SLC8A1: variants seen among roughly 807,000 people sequenced by gnomAD.
SLC8A1 encodes sodium/calcium exchanger 1.
A neutral mutation model predicts 68.3 loss-of-function variants in SLC8A1; 18 were observed. That is an observed-to-expected ratio of 0.26 (90% CI 0.18 to 0.39). The LOEUF (loss-of-function observed/expected upper bound fraction) is 0.39, where lower values mean the gene tolerates loss of function less well. Among genes scored for constraint, SLC8A1 ranks in the 10% least tolerant of loss-of-function variants. SLC8A1 has a pLI of 1.00. For synonymous variants in SLC8A1, 475 were observed against 415.5 expected (o/e 1.14, Z -1.74); for missense variants, 985 against 1,156.7 (o/e 0.85, Z 2.15).
intron 1 of SLC8A1, among the ~76,000 whole-genome samples, chr2:40,472,138 T>C (rs949705189): frequency 2.6e-5 from 4 of 152,182 alleles, no homozygotes; most frequent in Non-Finnish European, 5.9e-5. Context: ...CTGACTTTCA[T>C]ATAAGAAAAT....
At chr2:40,334,863 C>T (rs1056148277) in intron 2 of SLC8A1, among the ~76,000 whole-genome samples, 7 of 152,172 alleles carry the variant, frequency 4.6e-5, no homozygotes, top group African/African-American at 1.7e-4. Flanking sequence ...TCATTCTCAG[C>T]CTAAAACTAG....
At chr2:40,459,135 T>A (rs1703189106) in intron 1 of SLC8A1, among the ~76,000 whole-genome samples, 1 of 152,132 alleles carries the variant, frequency 6.6e-6, no homozygotes, top group Non-Finnish European at 1.5e-5. Flanking sequence ...GGGACTCACA[T>A]TCTAGTGAAA....
intron 7 of SLC8A1, among the ~76,000 whole-genome samples, chr2:40,125,343 C>T (rs56090875): frequency 0.38 from 58,021 of 151,900 alleles, 11,989 homozygotes; most frequent in Middle Eastern, 0.51. Flanking sequence ...AGGATCTGGC[C>T]TGGGATCCAG....
chr2:40,274,423 C>T (rs1334896117), intron 2 of SLC8A1, among the ~76,000 whole-genome samples: 1 of 152,060 alleles, frequency 6.6e-6, no homozygotes, highest in Non-Finnish European at 1.5e-5. Context: ...CCAGCAGTAT[C>T]AGATGAAAAG....
intron 2 of SLC8A1, among the ~76,000 whole-genome samples, chr2:40,181,452 A>G (rs1474726133): frequency 1.3e-5 from 2 of 152,232 alleles, no homozygotes; most frequent in African/African-American, 4.8e-5. Context: ...AAGAAAAAGA[A>G]AAAAGTACTT....
At chr2:40,267,420 A>G (rs2065487720) in intron 2 of SLC8A1, among the ~76,000 whole-genome samples, 1 of 152,196 alleles carries the variant, frequency 6.6e-6, no homozygotes, top group South Asian at 2.1e-4. Context: ...TCATGCCACC[A>G]TTCTGTGTAC....
In SLC8A1 at chr2:40,272,868, G is replaced by T. The variant is rs62150786; in HGVS notation, c.1809-95013C>A. 7.2e-5 allele frequency among the ~76,000 whole-genome samples: 11 copies of T among 152,312 alleles called. No homozygotes were observed. The South Asian group carries it at 2.3e-3, about 32-fold the overall frequency. The stretch of plus-strand genomic sequence containing the variant: ...GTACGATTTGGAGCACTGACACATG[G>T]CCTGTGTACATGACAAGATGTCTTA... On this transcript the variant is annotated intron_variant, in intron 2 of 7. Transcript: ENST00000406785.
intron 2 of SLC8A1, among the ~76,000 whole-genome samples, chr2:40,236,007 G>C (rs1446933646): frequency 1.3e-5 from 2 of 151,732 alleles, no homozygotes; most frequent in South Asian, 2.1e-4. Flanking sequence ...GCTGAGGAGA[G>C]CTTTACTTCC....
chr2:40,264,514 G>T (rs2065108799), intron 2 of SLC8A1, among the ~76,000 whole-genome samples: 2 of 152,150 alleles, frequency 1.3e-5, no homozygotes, highest in African/African-American at 2.4e-5. Context: ...GGAATACTAT[G>T]CAGCCATAAA....
intron 2 of SLC8A1, among the ~76,000 whole-genome samples, chr2:40,297,426 T>C (rs1293327545): frequency 6.6e-6 from 1 of 152,192 alleles, no homozygotes; most frequent in Non-Finnish European, 1.5e-5. Flanking sequence ...CTTTCAGGCA[T>C]AAAATCCTAC....
intron 2 of SLC8A1, among the ~76,000 whole-genome samples, chr2:40,346,636 C>T (rs994255853): frequency 1.3e-5 from 2 of 152,048 alleles, no homozygotes; most frequent in Admixed American, 6.6e-5. Context: ...CAAGTACAGT[C>T]CCAAAAATGG....
exon 8 of SLC8A1, chr2:40,115,582 C>T (rs772823388): frequency 6.2e-7 from 1 of 1,613,062 alleles, no homozygotes; most frequent in Non-Finnish European, 8.5e-7. Context: ...CCTATGGAGG[C>T]GTCTGCATAC....
chr2:40,309,517 T>A (rs973839796), intron 2 of SLC8A1, among the ~76,000 whole-genome samples: 3 of 150,252 alleles, frequency 2.0e-5, no homozygotes, highest in African/African-American at 7.3e-5. Context: ...TTTTTTTTTT[T>A]TTTTTGTGAG....
At chr2:40,383,437 G>C (rs1016361397) in intron 2 of SLC8A1, among the ~76,000 whole-genome samples, 1 of 151,962 alleles carries the variant, frequency 6.6e-6, no homozygotes, top group Non-Finnish European at 1.5e-5. Context: ...ACTGTCATTC[G>C]CTTCATATTT....
At chr2:40,355,974 G>C (rs887367282) in intron 2 of SLC8A1, among the ~76,000 whole-genome samples, 1 of 152,018 alleles carries the variant, frequency 6.6e-6, no homozygotes, top group Non-Finnish European at 1.5e-5. Flanking sequence ...TTGAACCTAC[G>C]ACATGCCAAG....
chr2:40,245,289 G>A (rs954526852), intron 2 of SLC8A1, among the ~76,000 whole-genome samples: 2 of 115,010 alleles, frequency 1.7e-5, no homozygotes, highest in Non-Finnish European at 3.5e-5. Flanking sequence ...GCCTATACCG[G>A]ATCTCTCTGA....
chr2:40,201,193 C>T lies in SLC8A1; in HGVS notation c.1809-23338G>A, dbSNP rs146175148. Among the ~76,000 whole-genome samples the T allele has an allele frequency of 7.6e-3, 1,148 of 151,464 alleles. 20 individuals carry two copies. The highest frequency in any genetic ancestry group is 0.026 in the African/African-American group (1,088 of 41,394). Reference sequence around the variant, plus strand: ...TTACTAGGTTATGTAAGATAAATGCCACCATTTTCTCCTCATGCTACTTAA... The same window carrying T: ...TTACTAGGTTATGTAAGATAAATGCTACCATTTTCTCCTCATGCTACTTAA... On this transcript the variant is annotated intron_variant, in intron 2 of 7. Transcript: ENST00000406785.
At chr2:40,264,093 GA>G (rs2065049838) in intron 2 of SLC8A1, among the ~76,000 whole-genome samples, 1 of 152,148 alleles carries the variant, frequency 6.6e-6, no homozygotes, top group South Asian at 2.1e-4. Flanking sequence ...GAAGACACAT[GA>G]AAAAATGCTC....
intron 2 of SLC8A1, among the ~76,000 whole-genome samples, chr2:40,257,112 C>G (rs1302681689): frequency 2.0e-5 from 3 of 152,082 alleles, no homozygotes; most frequent in African/African-American, 4.8e-5. Context: ...TCATAATTCT[C>G]AGCCTGAATC....
Sources: gnomAD v4.1 joint callset for allele counts (sites outside exome capture counted in the v4.1 genomes callset) on GRCh38, gnomAD v4.1.1 for gene constraint, MANE v1.5 for transcripts, NCBI Gene and HGNC (gene_info 2026-07-23, HGNC 2026-07-21) for gene names.